Variants in CATSPER2 observed in about 807,000 individuals in gnomAD.
CATSPER2 encodes cation channel sperm associated 2, also known as cation channel sperm-associated protein 2.
In CATSPER2, 56 loss-of-function variants were observed where a neutral mutation model predicts 68.8. That is an observed-to-expected ratio of 0.81 (90% CI 0.66 to 1.02). CATSPER2 has a LOEUF of 1.02. Ranked by LOEUF, CATSPER2 falls within the 50% of genes least tolerant of loss-of-function variation. The probability of loss-of-function intolerance (pLI) is 0.00; values close to 1 mark genes in which losing one functional copy is unlikely to be tolerated. For synonymous variants in CATSPER2, 198 were observed against 229.9 expected (o/e 0.86, Z 1.26); for missense variants, 582 against 642.0 (o/e 0.91, Z 1.01).
In CATSPER2 at chr15:43,648,691, G is replaced by T; in HGVS notation, c.-65C>A. The T allele has an allele frequency of 2.8e-6, 4 of 1,449,278 alleles. No individual in the cohort carries two copies. The highest frequency in any genetic ancestry group is 2.7e-6 in the Non-Finnish European group (3 of 1,104,214). 89.8% of individuals were successfully genotyped at this position (1,449,278 alleles called of 1,614,324 possible). On this transcript the variant is annotated 5_prime_UTR_variant, in exon 1 of 13. Coordinates refer to ENST00000396879, the MANE Select transcript of CATSPER2 (RefSeq NM_172095.4). Reference sequence around the variant, plus strand: ...TCACGCTTCCGCCTCCAGCTCAGGTGCCCCGAGCCTGGCTACCCCTATGCA... The same window carrying T: ...TCACGCTTCCGCCTCCAGCTCAGGTTCCCCGAGCCTGGCTACCCCTATGCA...
chr15:43,632,823 T>G lies in CATSPER2; in HGVS notation c.1290A>C (p.Thr430=), dbSNP rs770194711. The G allele has an allele frequency of 6.2e-7, 1 of 1,613,748 alleles. No homozygotes were observed. The highest frequency in any genetic ancestry group is 1.7e-5 in the Admixed American group (1 of 59,994). ...CTCTCTTTTTTGACAAGGTCTCTTC[T>G]GTTTTTGATGCAGATGTTATTAAAT... is the stretch of plus-strand genomic sequence containing the variant. ...EEDLITSASK[T]EETLSKKREY... Residue 430 remains threonine (T), a synonymous_variant, in exon 11 of 13, where the codon ACA becomes ACC. Transcript: ENST00000396879.
chr15:43,644,240 G>A (rs907552365), intron 4 of CATSPER2, among the ~76,000 whole-genome samples: 1 of 151,904 alleles, frequency 6.6e-6, no homozygotes, highest in Non-Finnish European at 1.5e-5. Context: ...AAGTCTTAAT[G>A]TTTATCATAT....
chr15:43,645,247 G>T (rs555436779), intron 4 of CATSPER2, among the ~76,000 whole-genome samples: 1 of 151,574 alleles, frequency 6.6e-6, no homozygotes, highest in South Asian at 2.1e-4. Context: ...GTAGAGATGA[G>T]GTTTCTCCAC....
At position 43,648,802 on chromosome 15, in the gene CATSPER2, C is replaced by A; in HGVS notation, c.-176G>T. On this transcript the variant is annotated 5_prime_UTR_variant, in exon 1 of 13. Transcript: ENST00000396879. ...CCAGGTTTCGGCTCACCCCGGGACCCGGCCCTAGCCCCTACCCACAGCCCA... is the reference window on the plus strand; with the variant it reads ...CCAGGTTTCGGCTCACCCCGGGACCAGGCCCTAGCCCCTACCCACAGCCCA... 1 of 1,531,742 alleles carries A rather than the reference C, an allele frequency of 6.5e-7. No homozygotes were observed. The highest frequency in any genetic ancestry group is 2.5e-5 in the East Asian group (1 of 40,158). 94.9% of individuals were successfully genotyped at this position (1,531,742 alleles called of 1,614,324 possible). A position where few individuals can be genotyped will look rare whatever the true frequency, so the allele number is the denominator to read the frequency against.
chr15:43,634,874 C>T (rs1391124039), intron 10 of CATSPER2: 1 of 170,896 alleles, frequency 5.9e-6, no homozygotes, highest in African/African-American at 2.4e-5. Flanking sequence ...ATTCTAGAGG[C>T]TAGAGTCTGA....
chr15:43,638,141 G>T (rs373950148), intron 7 of CATSPER2, among the ~76,000 whole-genome samples: 3 of 148,008 alleles, frequency 2.0e-5, no homozygotes, highest in South Asian at 2.2e-4. Flanking sequence ...TTTTAGTAGA[G>T]ACAGGGTTTC....
At chr15:43,647,840 A>G in intron 2 of CATSPER2, 77 bp downstream of exon 2, 1 of 1,527,334 alleles carries the variant, frequency 6.5e-7, no homozygotes, top group Non-Finnish European at 9.1e-7. Context: ...AAACCTCCCC[A>G]GAATTTTCCA....
chr15:43,636,274 T>C, intron 7 of CATSPER2, 55 bp from the exon 8 acceptor site: 1 of 1,601,340 alleles, frequency 6.2e-7, no homozygotes, highest in Non-Finnish European at 8.6e-7. Flanking sequence ...CTTTCAAAAA[T>C]GGTACCATTC....
intron 9 of CATSPER2, 23 bp downstream of exon 9, chr15:43,635,704 G>C: frequency 6.2e-7 from 1 of 1,601,498 alleles, no homozygotes; most frequent in Non-Finnish European, 8.6e-7. Flanking sequence ...AGGAAAGTTG[G>C]GGTTGAAAAG....
rs1008155365 is a variant in CATSPER2, at chr15:43,648,835, G to C, written c.-209C>G. The C allele has an allele frequency of 9.2e-6, 14 of 1,529,892 alleles. No individual in the cohort carries two copies. The highest frequency in any genetic ancestry group is 4.0e-5 in the Admixed American group (2 of 50,458). 94.8% of individuals were successfully genotyped at this position (1,529,892 alleles called of 1,614,324 possible). ...GCCCCTACCCACAGCCCAGGACCAT[G>C]CGGAGCAACGCTCGCCCAGCCACTC... On this transcript the variant is annotated 5_prime_UTR_variant, in exon 1 of 13. Coordinates refer to ENST00000396879, the MANE Select transcript of CATSPER2 (RefSeq NM_172095.4).
Position 43,648,056 on chromosome 15 carries a change from G to A in CATSPER2, c.6C>T (p.Ala2=), listed in dbSNP as rs766008928. The change falls in exon 2 of 13, where the codon GCC becomes GCT. Residue 2 remains alanine, a synonymous_variant. Transcript: ENST00000396879. ...GCATCTGCTCTTCTTGTTGGTAAGCGGCCATGTCTGCTAAGAAAATGTAAG... is the reference window on the plus strand; with the variant it reads ...GCATCTGCTCTTCTTGTTGGTAAGCAGCCATGTCTGCTAAGAAAATGTAAG... M[A]AYQQEEQMQL... 21 of 1,613,390 alleles carry A rather than the reference G, an allele frequency of 1.3e-5. No homozygotes were observed. The South Asian group carries it at 2.1e-4, about 16-fold the overall frequency.
chr15:43,648,444 C>G (rs2086213879), intron 1 of CATSPER2, among the ~76,000 whole-genome samples, 185 bp downstream of exon 1: 2 of 151,984 alleles, frequency 1.3e-5, no homozygotes, highest in South Asian at 2.1e-4. Context: ...CTGAGACAAT[C>G]GGGCAATGAG....
At position 43,636,838 on chromosome 15, in the gene CATSPER2, T is replaced by C. The variant is rs377210220; in HGVS notation, c.843-619A>G. 2.9e-4 allele frequency among the ~76,000 whole-genome samples: 44 copies of C among 151,772 alleles called. No individual in the cohort carries two copies. In the East Asian group the frequency reaches 8.1e-3, roughly 28 times the overall value. On this transcript the variant is annotated intron_variant, in intron 7 of 12. Coordinates refer to ENST00000396879, the MANE Select transcript of CATSPER2 (RefSeq NM_172095.4). Reference sequence around the variant, plus strand: ...ATAGTTTTTCTATTTTTTTTTCTTTTTTTTTTTGAGACAGAGTCTCACTCT... The same window carrying C: ...ATAGTTTTTCTATTTTTTTTTCTTTCTTTTTTTGAGACAGAGTCTCACTCT...
At position 43,638,880 on chromosome 15, in the gene CATSPER2, C is replaced by G. The variant is rs370694104; in HGVS notation, c.842+24G>C. On this transcript the variant is annotated intron_variant, in intron 7 of 12. Transcript: ENST00000396879. The stretch of plus-strand genomic sequence containing the variant: ...TCTTAGCCAAATTTTCTCCCCTCAC[C>G]CAGCTGTCCCCAGCTCTGCTTACGA... 6 of 1,612,016 alleles carry G rather than the reference C, an allele frequency of 3.7e-6. No individual in the cohort carries two copies. The African/African-American group carries it at 8.0e-5, about 22-fold the overall frequency.
chr15:43,639,598 T>C (rs1192187234), intron 6 of CATSPER2, 45 bp downstream of exon 6: 4 of 1,610,954 alleles, frequency 2.5e-6, no homozygotes, highest in Non-Finnish European at 3.4e-6. Flanking sequence ...AGCCCTCACA[T>C]TTATCTACCT....
intron 4 of CATSPER2, among the ~76,000 whole-genome samples, chr15:43,645,062 C>CTATTT: frequency 6.6e-6 from 1 of 151,896 alleles, no homozygotes; most frequent in South Asian, 2.1e-4. Context: ...CAGTAAAGGA[C>CTATTT]TATTTTATTT....
At chr15:43,630,847 C>A (rs2085858571) in intron 12 of CATSPER2, 115 bp from the exon 13 acceptor site, 1 of 1,594,610 alleles carries the variant, frequency 6.3e-7, no homozygotes, top group African/African-American at 1.3e-5. Context: ...CTTTACTAAT[C>A]TTTAAATTAA....
At position 43,629,149 on chromosome 15, in the gene CATSPER2, TGGA is replaced by T. The variant is rs1302596239; in HGVS notation, c.*1549_*1551del. 5 of 143,356 alleles carry T rather than the reference TGGA, an allele frequency of 3.5e-5. No homozygotes were observed. Among genetic ancestry groups the T allele is most frequent in the Non-Finnish European group, 7.5e-5 (5 of 66,488 alleles). The allele number at this position is 143,356 out of a possible 1,614,324, so 8.9% of individuals were successfully genotyped here. A position where few individuals can be genotyped will look rare whatever the true frequency, so the allele number is the denominator to read the frequency against. ...CCAGTCTGAGAATAACAAGAACACG[TGGA>T]GGAGAGCGCAGACAGGAAAATTCCA... On this transcript the variant is annotated 3_prime_UTR_variant, in exon 13 of 13. Transcript: ENST00000396879.
chr15:43,644,625 C>T (rs921709292), intron 4 of CATSPER2, among the ~76,000 whole-genome samples: 14 of 151,830 alleles, frequency 9.2e-5, no homozygotes, highest in Admixed American at 9.2e-4. Flanking sequence ...AGATCAGCTG[C>T]GGCATTAGAT....
Sources: allele counts gnomAD v4.1 joint callset (sites outside exome capture counted in the v4.1 genomes callset), GRCh38; gene constraint gnomAD v4.1.1; transcripts MANE v1.5; gene names NCBI Gene and HGNC (gene_info 2026-07-23, HGNC 2026-07-21).